The following ARHGEF3 variants were observed in gnomAD, a reference collection of about 807,000 sequenced individuals.
ARHGEF3 encodes 59.8 kDA protein.
Under a neutral mutation model 63.2 loss-of-function variants are expected in ARHGEF3, and 28 were observed. The ratio of observed to expected loss-of-function variants is 0.44; its 90% confidence interval spans 0.33 to 0.61. ARHGEF3 has a LOEUF of 0.61. Ranked by LOEUF, ARHGEF3 falls within the 20% of genes least tolerant of loss-of-function variation. ARHGEF3 has a pLI of 0.03. For synonymous variants in ARHGEF3, 266 were observed against 254.2 expected (o/e 1.05, Z -0.44); for missense variants, 533 against 659.3 (o/e 0.81, Z 2.10).
At chr3:56,853,258 G>A (rs933133044) in intron 4 of ARHGEF3, among the ~76,000 whole-genome samples, 9 of 152,118 alleles carry the variant, frequency 5.9e-5, no homozygotes, top group African/African-American at 1.9e-4. Flanking sequence ...TGTGTAGAAG[G>A]AAGCTCACAT....
At chr3:56,916,250 C>T in intron 3 of ARHGEF3, 1 of 1,519,122 alleles carries the variant, frequency 6.6e-7, no homozygotes, top group Non-Finnish European at 8.8e-7. Flanking sequence ...CACCACCCCA[C>T]CCGGCTCGGG....
intron 4 of ARHGEF3, among the ~76,000 whole-genome samples, chr3:56,813,016 C>T (rs1221034477): frequency 6.6e-6 from 1 of 152,154 alleles, no homozygotes. Flanking sequence ...ACTTTAATAA[C>T]CCAGTGCTGC....
intron 2 of ARHGEF3, among the ~76,000 whole-genome samples, chr3:56,999,789 C>T (rs1702119181): frequency 6.6e-6 from 1 of 152,192 alleles, no homozygotes; most frequent in African/African-American, 2.4e-5. Flanking sequence ...AGAGTGAGAC[C>T]TCATCCCCAA....
intron 4 of ARHGEF3, among the ~76,000 whole-genome samples, chr3:56,849,062 T>C (rs1378545375): frequency 6.6e-6 from 1 of 152,216 alleles, no homozygotes; most frequent in Non-Finnish European, 1.5e-5. Context: ...CCGCTCTTTA[T>C]TTAGTAAAAC....
At position 57,051,286 on chromosome 3, in the gene ARHGEF3, G is replaced by A. The variant is rs147587917; in HGVS notation, c.-27-16110C>T. Among the ~76,000 whole-genome samples, 696 of 152,200 alleles carry A rather than the reference G, an allele frequency of 4.6e-3. 2 individuals are homozygous for A. Among genetic ancestry groups the A allele is most frequent in the Middle Eastern group, 0.01 (3 of 294 alleles). Reference sequence around the variant, plus strand: ...GCGGATAACCTGAGGTCAGGAGTTCGAGACCAGCCTGACCAACATGGAGAA... The same window carrying A: ...GCGGATAACCTGAGGTCAGGAGTTCAAGACCAGCCTGACCAACATGGAGAA... On this transcript the variant is annotated intron_variant, in intron 1 of 12. Transcript: ENST00000338458.
chr3:56,801,219 T>C (rs751635286), intron 1 of ARHGEF3, among the ~76,000 whole-genome samples: 1 of 152,238 alleles, frequency 6.6e-6, no homozygotes, highest in Non-Finnish European at 1.5e-5. Flanking sequence ...GCCAAAGGGC[T>C]GCAAGGCCAA....
chr3:56,937,931 A>G (rs537990834), intron 3 of ARHGEF3, among the ~76,000 whole-genome samples: 1 of 152,342 alleles, frequency 6.6e-6, no homozygotes, highest in Admixed American at 6.5e-5. Flanking sequence ...ATCTGTCCAT[A>G]AAAAAGTAAT....
intron 2 of ARHGEF3, among the ~76,000 whole-genome samples, chr3:56,995,620 C>CCA (rs1460466352): frequency 1.2e-3 from 132 of 113,234 alleles, no homozygotes; most frequent in African/African-American, 4.5e-3. Context: ...GTAAATTTTC[C>CCA]GAGAGAGAGA....
intron 3 of ARHGEF3, among the ~76,000 whole-genome samples, chr3:56,897,979 A>C (rs1207265260): frequency 6.6e-6 from 1 of 151,528 alleles, no homozygotes. Context: ...CTCTGGGTCC[A>C]ACTGATTCTC....
chr3:56,998,167 T>C (rs559108395), intron 2 of ARHGEF3, among the ~76,000 whole-genome samples: 4 of 152,238 alleles, frequency 2.6e-5, no homozygotes, highest in African/African-American at 7.2e-5. Context: ...ATAGAGACAA[T>C]TGAAAAACAA....
At chr3:56,807,065 A>G (rs1364464700) in intron 4 of ARHGEF3, among the ~76,000 whole-genome samples, 1 of 151,914 alleles carries the variant, frequency 6.6e-6, no homozygotes, top group Non-Finnish European at 1.5e-5. Context: ...TTGTGTTTTT[A>G]GTAGAGACGG....
Position 56,751,140 on chromosome 3 carries a change from AAAAC to A in ARHGEF3, c.536-12_536-9del, listed in dbSNP as rs1238560727. The A allele has an allele frequency of 6.2e-7, 1 of 1,613,772 alleles. No homozygotes were observed. Among genetic ancestry groups the A allele is most frequent in the Non-Finnish European group, 8.5e-7 (1 of 1,179,830 alleles). ...GAAGCTGACTAAGGAGCTCTGGCAA[AAAAC>A]AAACAGATGCTTATTTGTTAGGCAT... On this transcript the variant is annotated splice_polypyrimidine_tract_variant and intron_variant, in intron 5 of 9. Transcript: ENST00000296315.
chr3:56,935,920 G>C (rs1263552682), intron 3 of ARHGEF3, among the ~76,000 whole-genome samples: 1 of 152,144 alleles, frequency 6.6e-6, no homozygotes, highest in Non-Finnish European at 1.5e-5. Context: ...TATGATTTCA[G>C]ATGGGGAATC....
At chr3:57,004,213 G>A (rs992159623) in intron 2 of ARHGEF3, among the ~76,000 whole-genome samples, 4 of 152,144 alleles carry the variant, frequency 2.6e-5, no homozygotes, top group East Asian at 1.9e-4. Context: ...GAATGTCCTC[G>A]TCAGCCACAA....
chr3:56,806,333 TGCC>T (rs990728108), upstream of ARHGEF3, among the ~76,000 whole-genome samples: 1 of 152,218 alleles, frequency 6.6e-6, no homozygotes, highest in African/African-American at 2.4e-5. Context: ...AGTCCTGCAA[TGCC>T]GCCAAGCTAA....
chr3:56,887,359 T>C (rs542065438), intron 3 of ARHGEF3, among the ~76,000 whole-genome samples: 1 of 152,280 alleles, frequency 6.6e-6, no homozygotes, highest in South Asian at 2.1e-4. Context: ...TTCTCCTGCC[T>C]TGGGAGGCTA....
At chr3:56,798,631 T>C (rs1251992142) in intron 1 of ARHGEF3, among the ~76,000 whole-genome samples, 7 of 151,946 alleles carry the variant, frequency 4.6e-5, no homozygotes. Context: ...GGATAATTCA[T>C]TAGAGGTAAC....
chr3:56,970,202 T>C (rs1019064576), intron 2 of ARHGEF3, among the ~76,000 whole-genome samples: 1 of 152,230 alleles, frequency 6.6e-6, no homozygotes, highest in Non-Finnish European at 1.5e-5. Flanking sequence ...AATATGGTAA[T>C]GGTTTAAATG....
intron 4 of ARHGEF3, among the ~76,000 whole-genome samples, chr3:56,849,352 C>T (rs1021287047): frequency 6.6e-6 from 1 of 152,134 alleles, no homozygotes; most frequent in African/African-American, 2.4e-5. Context: ...AATATATATA[C>T]AATCTGTACG....
Sources: allele counts gnomAD v4.1 joint callset (sites outside exome capture counted in the v4.1 genomes callset), GRCh38; gene constraint gnomAD v4.1.1; transcripts MANE v1.5; gene names NCBI Gene and HGNC (gene_info 2026-07-23, HGNC 2026-07-21).